Variants in MORN1 observed in about 807,000 individuals in gnomAD.
MORN1 encodes the protein MORN repeat containing 1, also known as MORN repeat-containing protein 1.
MORN1 carries 67 observed loss-of-function variants against 61.9 expected under a neutral mutation model. The ratio of observed to expected loss-of-function variants is 1.08; its 90% CI spans 0.89 to 1.33. The LOEUF (loss-of-function observed/expected upper bound fraction) is 1.33. MORN1 is among the 40% of genes most tolerant of loss of function. The pLI is 0.00. For missense variants in MORN1, 752 were observed against 691.2 expected (o/e 1.09, Z -0.99); for synonymous variants, 301 against 292.0 (o/e 1.03, Z -0.31).
intron 8 of MORN1, among the ~76,000 whole-genome samples, chr1:2,369,634 G>A (rs1261588913): frequency 6.6e-6 from 1 of 151,918 alleles, no homozygotes; most frequent in African/African-American, 2.4e-5. Flanking sequence ...TGTAGTCTAC[G>A]GCAACCTCTG....
intron 7 of MORN1, among the ~76,000 whole-genome samples, chr1:2,373,222 G>C (rs1286772782): frequency 1.3e-5 from 2 of 152,236 alleles, no homozygotes; most frequent in Non-Finnish European, 2.9e-5. Context: ...GATGCTGAGA[G>C]AACACCTGGG....
intron 10 of MORN1, chr1:2,351,104 G>C (rs1641635529): frequency 6.6e-6 from 1 of 152,596 alleles, no homozygotes; most frequent in Non-Finnish European, 1.5e-5. Flanking sequence ...ACGACCCCCG[G>C]GACGGAGGCC....
chr1:2,385,433 A>G (rs1642471913), intron 5 of MORN1: 1 of 360,660 alleles, frequency 2.8e-6, no homozygotes, highest in Non-Finnish European at 5.1e-6. Flanking sequence ...AGCACTTGGG[A>G]GGCGGAGGCG....
At position 2,385,039 on chromosome 1, in the gene MORN1, C is replaced by T; in HGVS notation, c.476G>A (p.Trp159Ter). The change falls in exon 6 of 14, where the codon TGG becomes TAG. Residue 159 changes from tryptophan (W) to a stop codon, truncating the protein, a stop_gained. Coordinates refer to ENST00000378531, the MANE Select transcript of MORN1 (RefSeq NM_024848.3). LOFTEE classifies it high-confidence loss of function. The part of the protein sequence containing the change: ...FQNGDKYDGD[W>*]VRDRRQGHGV... ...GTGTCCCTGACGCCGGTCCCGGACC[C>T]AGTCGCCGTCGTACTTGTCACCGTT... The T allele has an allele frequency of 6.3e-7, 1 of 1,598,442 alleles. No homozygotes were observed. Among genetic ancestry groups the T allele is most frequent in the South Asian group, 1.1e-5 (1 of 88,560 alleles).
rs1323165495 is a variant in MORN1 at position 2,358,695 on chromosome 1, G to A, written c.766C>T (p.Gln256Ter). 2 of 1,612,692 alleles carry A rather than the reference G, an allele frequency of 1.2e-6. No individual in the cohort carries two copies. The highest frequency in any genetic ancestry group is 4.5e-5 in the East Asian group (2 of 44,816). Residue 256 changes from glutamine to a stop codon, truncating the protein, a stop_gained, in exon 9 of 14, where the codon CAG becomes TAG. Coordinates refer to ENST00000378531, the MANE Select transcript of MORN1 (RefSeq NM_024848.3). LOFTEE classifies it high-confidence loss of function. The part of the protein sequence containing the change: ...IAKSESGRVL[Q>*]ISAGVRYVQL... ...ACGTATCTGACGCCCGCTGAGATCT[G>A]CAGGACCCGGCCGCTCTCGCCTTCC...
Position 2,372,465 on chromosome 1 carries a change from C to T in MORN1, c.745+16G>A, listed in dbSNP as rs748086017. 5 of 1,575,744 alleles carry T rather than the reference C, an allele frequency of 3.2e-6. No individual in the cohort carries two copies. Among genetic ancestry groups the T allele is most frequent in the Non-Finnish European group, 4.4e-6 (5 of 1,147,848 alleles). On this transcript the variant is annotated intron_variant, in intron 8 of 13. Coordinates refer to ENST00000378531, the MANE Select transcript of MORN1 (RefSeq NM_024848.3). This position sits in a 1 kb window ranked among gnomAD's most constrained non-coding sequence, Gnocchi z 5.4. ...CTTTTGGAAACGTTAGGTCATCTCC[C>T]CCTGGAGATGCTTACTCTTGGCAAT... is the stretch of plus-strand genomic sequence containing the variant.
Position 2,357,558 on chromosome 1 carries a change from C to T in MORN1, c.910G>A (p.Ala304Thr). Residue 304 changes from alanine (A) to threonine (T), a missense_variant, in exon 10 of 14, where the codon GCT becomes ACT. Physicochemically the swap from Ala to Thr is moderately conservative, Grantham distance 58 (BLOSUM62 0). Coordinates refer to ENST00000378531, the MANE Select transcript of MORN1 (RefSeq NM_024848.3). This position sits in a 1 kb window ranked among gnomAD's most constrained non-coding sequence, Gnocchi z 6.3. ...GCAGCTCTGGGCCCCGGCACCCCAG[C>T]TGCGGGGCTGGACACAGGATAAGGG... Reference protein sequence around the residue: ...CIPYPVSSPAAGVPGPRAAKG... With the variant: ...CIPYPVSSPATGVPGPRAAKG... The T allele has an allele frequency of 1.9e-6, 3 of 1,611,748 alleles. No homozygotes were observed. Among genetic ancestry groups the T allele is most frequent in the Non-Finnish European group, 2.5e-6 (3 of 1,179,104 alleles).
intron 6 of MORN1, chr1:2,374,858 GC>G: frequency 3.3e-6 from 1 of 301,864 alleles, no homozygotes; most frequent in South Asian, 6.3e-5. Context: ...GCACATTTCA[GC>G]AAAAAAAAAA....
rs541449823 is a variant in MORN1, at chr1:2,389,909, C to T, written c.148+16G>A. 4.3e-6 allele frequency: 7 copies of T among 1,612,872 alleles called. No individual in the cohort carries two copies. The South Asian group carries it at 5.5e-5, about 13-fold the overall frequency. On this transcript the variant is annotated intron_variant, in intron 2 of 13. Coordinates refer to ENST00000378531, the MANE Select transcript of MORN1 (RefSeq NM_024848.3). ...TGGGGCAGCAGCTGCAAGAAGAGAC[C>T]ACAGATGCTTCTCACCGTGCTTCCT...
At chr1:2,380,021 C>T (rs548114624) in intron 6 of MORN1, among the ~76,000 whole-genome samples, 2 of 152,278 alleles carry the variant, frequency 1.3e-5, no homozygotes, top group Non-Finnish European at 2.9e-5. Flanking sequence ...TCTGTCCACA[C>T]GGGGTGGTGG....
chr1:2,322,139 G>C, intron 13 of MORN1: 2 of 985,384 alleles, frequency 2.0e-6, no homozygotes, highest in South Asian at 4.7e-5. Flanking sequence ...GGGGGCACTC[G>C]GCAGAGAAGG....
At chr1:2,346,552 A>G (rs2100278287) in intron 10 of MORN1, among the ~76,000 whole-genome samples, 1 of 152,074 alleles carries the variant, frequency 6.6e-6, no homozygotes, top group Middle Eastern at 3.4e-3. Context: ...CACCTGGCTA[A>G]TTTTTGTATT....
At chr1:2,321,637 C>G (rs1171873104) in intron 13 of MORN1, 58 bp from the exon 14 acceptor site, 1 of 1,426,370 alleles carries the variant, frequency 7.0e-7, no homozygotes, top group African/African-American at 1.5e-5. Context: ...CCTCCCTGGC[C>G]TCAGCCCACT....
At chr1:2,361,243 T>C (rs577134776) in intron 8 of MORN1, among the ~76,000 whole-genome samples, 83 of 152,188 alleles carry the variant, frequency 5.5e-4, no homozygotes, top group Non-Finnish European at 1.0e-3. Flanking sequence ...CAAAGTTAAA[T>C]AGACACACAG....
intron 10 of MORN1, among the ~76,000 whole-genome samples, chr1:2,345,583 G>C (rs921500944): frequency 6.6e-6 from 1 of 152,220 alleles, no homozygotes; most frequent in Non-Finnish European, 1.5e-5. Context: ...ACAGGCTGCC[G>C]GCAGCATTGC....
chr1:2,352,188 T>TAA, intron 10 of MORN1: 1 of 215,742 alleles, frequency 4.6e-6, no homozygotes, highest in South Asian at 8.8e-5. Flanking sequence ...ATAGAGCAAT[T>TAA]AAAAAAAAAA....
chr1:2,379,252 T>C (rs1320954532), intron 6 of MORN1: 2 of 432,668 alleles, frequency 4.6e-6, no homozygotes, highest in Non-Finnish European at 9.5e-6. Context: ...GCCAAGGGCA[T>C]GATCCGAGGT....
At chr1:2,387,581 GC>G (rs1447593736) in intron 3 of MORN1, 52 bp from the exon 4 acceptor site, 2 of 1,323,060 alleles carry the variant, frequency 1.5e-6, no homozygotes, top group East Asian at 4.6e-5. Flanking sequence ...CAGGGCTGCG[GC>G]CCCAGTCGGC....
intron 6 of MORN1, chr1:2,378,654 G>A (rs568360236): frequency 2.0e-5 from 6 of 301,066 alleles, no homozygotes; most frequent in Admixed American, 4.6e-5. Context: ...CCGGAGGGCC[G>A]CGCTGCTGCC....
Sources: gnomAD v4.1 joint callset for allele counts (sites outside exome capture counted in the v4.1 genomes callset) on GRCh38, gnomAD v4.1.1 for gene constraint, Gnocchi (gnomAD v3.1) non-coding constraint, MANE v1.5 for transcripts, NCBI Gene and HGNC (gene_info 2026-07-23, HGNC 2026-07-21) for gene names.